The following SEMA6D variants were observed in gnomAD, a reference collection of about 807,000 sequenced individuals.
The protein encoded by SEMA6D is semaphorin-6D.
A neutral mutation model predicts 106.6 loss-of-function variants in SEMA6D; 35 were observed. The ratio of observed to expected loss-of-function variants is 0.33; its 90% CI spans 0.25 to 0.44. The LOEUF is 0.44. SEMA6D is among the 20% of genes least tolerant of loss of function. The probability of loss-of-function intolerance (pLI) is 1.00; values close to 1 mark genes in which losing one functional copy is unlikely to be tolerated. For synonymous variants in SEMA6D, 499 were observed against 487.7 expected (o/e 1.02, Z -0.31); for missense variants, 1,185 against 1,345.9 (o/e 0.88, Z 1.87).
chr15:47,488,033 C>T (rs2043348251), intron 3 of SEMA6D, among the ~76,000 whole-genome samples: 1 of 152,180 alleles, frequency 6.6e-6, no homozygotes, highest in Non-Finnish European at 1.5e-5. Flanking sequence ...ACCTCCCTCA[C>T]ACACTAAATC....
chr15:47,385,678 A>T (rs940489451), intron 1 of SEMA6D, among the ~76,000 whole-genome samples: 8 of 151,802 alleles, frequency 5.3e-5, no homozygotes, highest in Non-Finnish European at 1.0e-4. Context: ...GCAATAAAGA[A>T]TTTTTTTTAA....
At chr15:47,668,545 C>A (rs2078074534) in intron 4 of SEMA6D, among the ~76,000 whole-genome samples, 1 of 152,186 alleles carries the variant, frequency 6.6e-6, no homozygotes. Flanking sequence ...TCCATTCCCC[C>A]TTCTCTGCTG....
chr15:47,297,157 G>A (rs1291966394), intron 1 of SEMA6D, among the ~76,000 whole-genome samples: 1 of 152,152 alleles, frequency 6.6e-6, no homozygotes, highest in African/African-American at 2.4e-5. Context: ...GTGGAATGCC[G>A]AGTCAGATTC....
intron 1 of SEMA6D, among the ~76,000 whole-genome samples, chr15:47,269,631 G>T (rs1006690797): frequency 6.6e-6 from 1 of 151,876 alleles, no homozygotes; most frequent in African/African-American, 2.4e-5. Context: ...TTTTTCTGGG[G>T]TTAGCAGGGT....
intron 1 of SEMA6D, among the ~76,000 whole-genome samples, chr15:47,737,175 G>T (rs73394841): frequency 0.031 from 4,713 of 152,086 alleles, 254 homozygotes; most frequent in African/African-American, 0.11. Flanking sequence ...ATTTCTTAGG[G>T]TACACCCACA....
intron 1 of SEMA6D, among the ~76,000 whole-genome samples, chr15:47,263,989 A>C (rs1399658238): frequency 6.6e-6 from 1 of 151,748 alleles, no homozygotes; most frequent in Non-Finnish European, 1.5e-5. Flanking sequence ...ATGTCATACA[A>C]CCACAATATA....
At chr15:47,243,878 T>C (rs992522789) in intron 1 of SEMA6D, among the ~76,000 whole-genome samples, 2 of 152,146 alleles carry the variant, frequency 1.3e-5, no homozygotes, top group Admixed American at 6.5e-5. Flanking sequence ...GCACCTACCA[T>C]GTTCTAGGCT....
chr15:47,217,512 G>C (rs114398472), intron 1 of SEMA6D, among the ~76,000 whole-genome samples: 177 of 151,974 alleles, frequency 1.2e-3, no homozygotes, highest in African/African-American at 4.1e-3. Flanking sequence ...TGTTGGTGCT[G>C]ATGTAGAAAG....
chr15:47,550,891 T>A (rs1276042515), intron 3 of SEMA6D, among the ~76,000 whole-genome samples: 11 of 152,136 alleles, frequency 7.2e-5, no homozygotes, highest in Non-Finnish European at 1.0e-4. Flanking sequence ...CAAAATTCGA[T>A]GTGGGAGAAA....
At chr15:47,239,714 G>T in intron 1 of SEMA6D, among the ~76,000 whole-genome samples, 1 of 152,152 alleles carries the variant, frequency 6.6e-6, no homozygotes, top group East Asian at 1.9e-4. Context: ...AGAGCTCTCT[G>T]TATATCAGTT....
At chr15:47,388,398 A>G (rs2039912635) in intron 1 of SEMA6D, among the ~76,000 whole-genome samples, 1 of 152,176 alleles carries the variant, frequency 6.6e-6, no homozygotes, top group African/African-American at 2.4e-5. Flanking sequence ...ATAAACAATT[A>G]CTAAGATTTA....
intron 3 of SEMA6D, among the ~76,000 whole-genome samples, chr15:47,578,075 G>A (rs1194788615): frequency 6.6e-6 from 1 of 152,112 alleles, no homozygotes; most frequent in African/African-American, 2.4e-5. Flanking sequence ...GATATGCATT[G>A]TTGTTATCCC....
intron 2 of SEMA6D, among the ~76,000 whole-genome samples, chr15:47,441,178 A>G (rs1461035253): frequency 6.6e-6 from 1 of 152,070 alleles, no homozygotes; most frequent in Non-Finnish European, 1.5e-5. Context: ...TGTGTCACCT[A>G]AATAGATCAC....
intron 2 of SEMA6D, among the ~76,000 whole-genome samples, chr15:47,427,890 C>A (rs1325173256): frequency 1.3e-5 from 2 of 152,104 alleles, no homozygotes; most frequent in East Asian, 1.9e-4. Context: ...TACCAAAGTT[C>A]TCTTACTCTC....
At chr15:47,732,498 A>G (rs1008129664) in intron 1 of SEMA6D, among the ~76,000 whole-genome samples, 21 of 152,340 alleles carry the variant, frequency 1.4e-4, no homozygotes, top group Middle Eastern at 6.8e-3. Context: ...CTGCTCATGT[A>G]TGAAGCCTAA....
At chr15:47,230,937 G>C (rs776512877) in intron 1 of SEMA6D, among the ~76,000 whole-genome samples, 1 of 151,922 alleles carries the variant, frequency 6.6e-6, no homozygotes, top group Non-Finnish European at 1.5e-5. Context: ...ATAAATCTTA[G>C]TCACTAGTGA....
At chr15:47,415,887 A>G (rs893217963) in intron 2 of SEMA6D, among the ~76,000 whole-genome samples, 3 of 152,204 alleles carry the variant, frequency 2.0e-5, no homozygotes, top group African/African-American at 7.2e-5. Flanking sequence ...TCCAACAATT[A>G]CACATGACAT....
chr15:47,752,746 C>T lies in SEMA6D; in HGVS notation c.-54-6999C>T, dbSNP rs573454419. 1.6e-4 allele frequency among the ~76,000 whole-genome samples: 25 copies of T among 151,964 alleles called. 1 individual carries two copies. Among genetic ancestry groups the T allele is most frequent in the East Asian group, 9.7e-4 (5 of 5,170 alleles). On this transcript the variant is annotated intron_variant, in intron 1 of 18. Transcript: ENST00000536845. ...AATTGGGGCTGGGCACAGTGGCTCA[C>T]GCCTGTAATCCCAGCATTTAGGGAG... is the stretch of plus-strand genomic sequence containing the variant.
At chr15:47,217,708 GA>G (rs943880848) in intron 1 of SEMA6D, among the ~76,000 whole-genome samples, 17 of 151,646 alleles carry the variant, frequency 1.1e-4, no homozygotes, top group African/African-American at 3.9e-4. Flanking sequence ...TATACTATTT[GA>G]AAAATGTTAT....
Sources: gnomAD v4.1 joint callset for allele counts (sites outside exome capture counted in the v4.1 genomes callset) on GRCh38, gnomAD v4.1.1 for gene constraint, MANE v1.5 for transcripts, NCBI Gene and HGNC (gene_info 2026-07-23, HGNC 2026-07-21) for gene names.